Variants in PCDHGB7 observed in about 807,000 individuals in gnomAD.
The protein encoded by PCDHGB7 is protocadherin gamma-B7.
Under a neutral mutation model 61.4 loss-of-function variants are expected in PCDHGB7, and 37 were observed. That is an observed-to-expected ratio of 0.60 (90% confidence interval 0.46 to 0.79). The LOEUF (loss-of-function observed/expected upper bound fraction) is 0.79. Among genes scored for constraint, PCDHGB7 ranks in the 30% least tolerant of loss-of-function variants. The probability of loss-of-function intolerance (pLI) is 0.00; values close to 1 mark genes in which losing one functional copy is unlikely to be tolerated. For missense variants in PCDHGB7, 1,166 were observed against 1,202.5 expected (o/e 0.97, Z 0.45); for synonymous variants, 464 against 503.5 (o/e 0.92, Z 1.05).
At chr5:141,495,104 G>C (rs552664771) in intron 2 of PCDHGB7, among the ~76,000 whole-genome samples, 16 of 152,194 alleles carry the variant, frequency 1.1e-4, no homozygotes, top group Admixed American at 8.5e-4. Flanking sequence ...CGCCACGACC[G>C]GCACCTTTTC....
In PCDHGB7 at chr5:141,432,220, C is replaced by A. The variant is rs949257429; in HGVS notation, c.2415+11946C>A. ...CCGACTGTGAAGAGAACGCCCAGAT[C>A]ACTTATTCCCTGGCTGAGAACACCA... On this transcript the variant is annotated intron_variant, in intron 1 of 3. Coordinates refer to ENST00000398594, the MANE Select transcript of PCDHGB7 (RefSeq NM_018927.4). This position sits in a 1 kb window ranked among gnomAD's most constrained non-coding sequence, Gnocchi z 6.0. The A allele has an allele frequency of 2.5e-6, 4 of 1,614,246 alleles. No homozygotes were observed. The highest frequency in any genetic ancestry group is 1.6e-4 in the Middle Eastern group (1 of 6,062).
chr5:141,488,711 A>G (rs184498001), intron 1 of PCDHGB7, among the ~76,000 whole-genome samples: 100 of 152,290 alleles, frequency 6.6e-4, no homozygotes, highest in Non-Finnish European at 1.2e-3. Context: ...TGCTGGTTCA[A>G]GCAAAGTGGT....
chr5:141,441,923 C>A, intron 1 of PCDHGB7: 2 of 351,136 alleles, frequency 5.7e-6, no homozygotes, highest in Non-Finnish European at 5.5e-6. Context: ...AGACACAATG[C>A]GTGGCTGTCC....
Position 141,491,793 on chromosome 5 carries a change from C to A in PCDHGB7, c.2416-3014C>A. 6.6e-7 allele frequency: 1 copy of A among 1,511,410 alleles called. No homozygotes were observed. The highest frequency in any genetic ancestry group is 1.3e-5 in the South Asian group (1 of 77,572). The allele number at this position is 1,511,410 out of a possible 1,614,324, so 93.6% of individuals were successfully genotyped here. On this transcript the variant is annotated intron_variant, in intron 1 of 3. Coordinates refer to ENST00000398594, the MANE Select transcript of PCDHGB7 (RefSeq NM_018927.4). This position sits in a 1 kb window ranked among gnomAD's most constrained non-coding sequence, Gnocchi z 6.9. ...AGGGATTGAACTTGCATCCACTCCT[C>A]TCCGGCCGGCTTGGTCGCTGGCTGC...
chr5:141,440,671 T>C (rs2098194169), intron 1 of PCDHGB7: 1 of 152,210 alleles, frequency 6.6e-6, no homozygotes, highest in African/African-American at 2.4e-5. Context: ...CAACTCTATA[T>C]TTCTCTTTGA....
At chr5:141,462,984 T>G (rs1349170605) in intron 1 of PCDHGB7, among the ~76,000 whole-genome samples, 1 of 152,156 alleles carries the variant, frequency 6.6e-6, no homozygotes, top group African/African-American at 2.4e-5. Context: ...ACTTTTGCCT[T>G]GGGCTAATTT....
chr5:141,423,132 C>T (rs375287728), intron 1 of PCDHGB7: 41 of 1,613,540 alleles, frequency 2.5e-5, no homozygotes, highest in Non-Finnish European at 3.3e-5. Flanking sequence ...CACTGCTGGA[C>T]AGAGACGCGC....
intron 1 of PCDHGB7, chr5:141,422,008 C>T (rs767148055): frequency 1.2e-5 from 20 of 1,609,502 alleles, no homozygotes; most frequent in Admixed American, 5.1e-5. Context: ...CTCCGGAACT[C>T]GGGTGCTGAT....
At chr5:141,481,531 G>A (rs1342825952) in intron 1 of PCDHGB7, among the ~76,000 whole-genome samples, 2 of 152,206 alleles carry the variant, frequency 1.3e-5, no homozygotes, top group African/African-American at 4.8e-5. Context: ...AAAATCTAGA[G>A]ATGGGGCTGG....
intron 1 of PCDHGB7, among the ~76,000 whole-genome samples, chr5:141,462,361 T>C (rs1354253099): frequency 6.6e-6 from 1 of 152,282 alleles, no homozygotes; most frequent in Non-Finnish European, 1.5e-5. Flanking sequence ...ATACATTGTA[T>C]AGTTTCTATT....
rs1224625072 is a variant in PCDHGB7, at chr5:141,490,972, C to T, written c.2416-3835C>T. ...AGACTGGGAACACTCAGCCCCCCAG[C>T]GTCTCCCTCGCTCTGCTCCTCCTGG... On this transcript the variant is annotated intron_variant, in intron 1 of 3. Transcript: ENST00000398594. This position sits in a 1 kb window ranked among gnomAD's most constrained non-coding sequence, Gnocchi z 5.4. The T allele has an allele frequency of 1.2e-5, 20 of 1,613,912 alleles. No individual in the cohort carries two copies. Among genetic ancestry groups the T allele is most frequent in the East Asian group, 4.5e-5 (2 of 44,882 alleles).
Position 141,485,616 on chromosome 5 carries a change from C to T in PCDHGB7, c.2416-9191C>T. On this transcript the variant is annotated intron_variant, in intron 1 of 3. Coordinates refer to ENST00000398594, the MANE Select transcript of PCDHGB7 (RefSeq NM_018927.4). This position sits in a 1 kb window ranked among gnomAD's most constrained non-coding sequence, Gnocchi z 5.7. ...TTGGAAATTGGGGAGGCAGCTCCTCCAGGACAGCGTTTCCCGTTGGAAAAG... is the reference window on the plus strand; with the variant it reads ...TTGGAAATTGGGGAGGCAGCTCCTCTAGGACAGCGTTTCCCGTTGGAAAAG... 1 of 1,612,210 alleles carries T rather than the reference C, an allele frequency of 6.2e-7. No individual in the cohort carries two copies.
rs750564390 is a variant in PCDHGB7, at chr5:141,494,823, C to T, written c.2432C>T (p.Thr811Met). Residue 811 changes from threonine to methionine, a missense_variant, in exon 2 of 4, where the codon ACG becomes ATG. Physicochemically the swap from Thr to Met is moderately conservative, Grantham distance 81. Coordinates refer to ENST00000398594, the MANE Select transcript of PCDHGB7 (RefSeq NM_018927.4). Reference sequence around the variant, plus strand: ...TCTCCACAGCAAGCCCCGCCCAACACGGACTGGCGTTTCTCTCAGGCCCAG... The same window carrying T: ...TCTCCACAGCAAGCCCCGCCCAACATGGACTGGCGTTTCTCTCAGGCCCAG... ...KILKQQAPPN[T>M]DWRFSQAQRP... 7 of 1,614,014 alleles carry T rather than the reference C, an allele frequency of 4.3e-6. No individual in the cohort carries two copies. The East Asian group carries it at 8.9e-5, about 21-fold the overall frequency.
Position 141,459,075 on chromosome 5 carries a change from G to C in PCDHGB7, c.2416-35732G>C, listed in dbSNP as rs562572838. ...GTATAATTTATATAACATAAAATTT[G>C]CCTTTTAAAATTATACAGTGCAATG... On this transcript the variant is annotated intron_variant, in intron 1 of 3. Transcript: ENST00000398594. 4.6e-5 allele frequency among the ~76,000 whole-genome samples: 7 copies of C among 152,252 alleles called. No individual in the cohort carries two copies. The East Asian group carries it at 1.4e-3, about 29-fold the overall frequency.
chr5:141,435,904 C>G (rs967350870), intron 1 of PCDHGB7, among the ~76,000 whole-genome samples: 2 of 152,068 alleles, frequency 1.3e-5, no homozygotes, highest in Admixed American at 6.5e-5. Context: ...TGAAAGACAT[C>G]CAAGGGCTCT....
chr5:141,496,284 G>A (rs1052943936), intron 2 of PCDHGB7, among the ~76,000 whole-genome samples: 6 of 152,210 alleles, frequency 3.9e-5, no homozygotes, highest in Admixed American at 1.3e-4. Context: ...CAGTTGGTCT[G>A]AGCAGAGTGG....
At position 141,449,274 on chromosome 5, in the gene PCDHGB7, T is replaced by C. The variant is rs569352843; in HGVS notation, c.2415+29000T>C. 3.9e-5 allele frequency among the ~76,000 whole-genome samples: 6 copies of C among 152,260 alleles called. No individual in the cohort carries two copies. In the East Asian group the frequency reaches 1.2e-3, roughly 29 times the overall value. On this transcript the variant is annotated intron_variant, in intron 1 of 3. Transcript: ENST00000398594. ...GAATTGTACAAAGAACTGTATCTCC[T>C]TCACCCGGATGCACCGGGTGAATTA...
In PCDHGB7 at chr5:141,438,615, TATATATATATATATATATATACAC is replaced by T. The variant is rs1230398483; in HGVS notation, c.2415+18343_2415+18366del. ...ACATATATATATATATATATATATA[TATATATATATATATATATATACAC>T]ACACACACACACATATATGTATATA... is the stretch of plus-strand genomic sequence containing the variant. On this transcript the variant is annotated intron_variant, in intron 1 of 3. Transcript: ENST00000398594. Among the ~76,000 whole-genome samples the T allele has an allele frequency of 3.0e-3, 107 of 35,910 alleles. 2 individuals carry two copies. The highest frequency in any genetic ancestry group is 7.9e-3 in the African/African-American group (39 of 4,916). The allele number at this position is 35,910 out of a possible 152,430, so 23.6% of individuals were successfully genotyped here. A position where few individuals can be genotyped will look rare whatever the true frequency, so the allele number is the denominator to read the frequency against.
chr5:141,470,444 A>G (rs970120314), intron 1 of PCDHGB7, among the ~76,000 whole-genome samples: 8 of 152,222 alleles, frequency 5.3e-5, no homozygotes, highest in African/African-American at 1.9e-4. Context: ...ATAATTTAAT[A>G]GCATCTTGAA....
Sources: gnomAD v4.1 joint callset for allele counts (sites outside exome capture counted in the v4.1 genomes callset) on GRCh38, gnomAD v4.1.1 for gene constraint, Gnocchi (gnomAD v3.1) non-coding constraint, MANE v1.5 for transcripts, NCBI Gene and HGNC (gene_info 2026-07-23, HGNC 2026-07-21) for gene names.